The following PDE4D variants were observed in gnomAD, a reference collection of about 807,000 sequenced individuals.
PDE4D encodes the protein phosphodiesterase 4D.
PDE4D carries 24 observed loss-of-function variants against 87.4 expected under a neutral mutation model. The ratio of observed to expected loss-of-function variants is 0.27; its 90% CI spans 0.20 to 0.39. PDE4D has a LOEUF of 0.39. Among genes scored for constraint, PDE4D ranks in the 10% least tolerant of loss-of-function variants. The pLI, the probability that PDE4D is intolerant of heterozygous loss-of-function variation, is 1.00. For synonymous variants in PDE4D, 384 were observed against 383.2 expected (o/e 1.00, Z -0.02); for missense variants, 714 against 1,041.0 (o/e 0.69, Z 4.32).
At chr5:59,707,128 A>G (rs1395463455) in intron 1 of PDE4D, among the ~76,000 whole-genome samples, 3 of 152,204 alleles carry the variant, frequency 2.0e-5, no homozygotes, top group African/African-American at 7.2e-5. Flanking sequence ...TATTTTAAAA[A>G]CTGTACGTCT....
At chr5:59,262,995 G>A (rs1004550238) in intron 1 of PDE4D, among the ~76,000 whole-genome samples, 1 of 151,742 alleles carries the variant, frequency 6.6e-6, no homozygotes, top group Admixed American at 6.6e-5. Context: ...CAGTGGTGGT[G>A]GCAAACTAAG....
chr5:59,559,503 C>T (rs776486260), intron 1 of PDE4D, among the ~76,000 whole-genome samples: 1 of 152,150 alleles, frequency 6.6e-6, no homozygotes, highest in Non-Finnish European at 1.5e-5. Context: ...CTGTTAACTT[C>T]AAAGCCCCTA....
intron 5 of PDE4D, among the ~76,000 whole-genome samples, chr5:59,094,371 AAGG>A (rs1486085228): frequency 3.9e-5 from 6 of 152,046 alleles, no homozygotes; most frequent in African/African-American, 1.2e-4. Context: ...AAAGACAAAA[AAGG>A]AAGAAAACAA....
intron 1 of PDE4D, among the ~76,000 whole-genome samples, chr5:60,408,075 G>A (rs772763194): frequency 3.3e-5 from 5 of 152,154 alleles, no homozygotes; most frequent in South Asian, 2.1e-4. Flanking sequence ...TAAGCCACAC[G>A]GAGCCATCCT....
At chr5:60,519,868 G>A (rs1392971336) in intron 1 of PDE4D, among the ~76,000 whole-genome samples, 1 of 152,150 alleles carries the variant, frequency 6.6e-6, no homozygotes, top group African/African-American at 2.4e-5. Flanking sequence ...TTTGTTAAGA[G>A]CTTTCAAGCC....
chr5:59,311,012 A>G (rs145073943), intron 1 of PDE4D, among the ~76,000 whole-genome samples: 3 of 152,280 alleles, frequency 2.0e-5, no homozygotes, highest in African/African-American at 7.2e-5. Flanking sequence ...GAATGCTCCA[A>G]ACAAAGGTCA....
intron 1 of PDE4D, among the ~76,000 whole-genome samples, chr5:60,221,845 C>A (rs942875045): frequency 6.6e-6 from 1 of 152,076 alleles, no homozygotes; most frequent in African/African-American, 2.4e-5. Context: ...TATCCAGACT[C>A]CTGTGAACAT....
intron 2 of PDE4D, among the ~76,000 whole-genome samples, chr5:60,124,230 T>C (rs530198990): frequency 2.4e-4 from 36 of 152,256 alleles, no homozygotes; most frequent in Middle Eastern, 3.4e-3. Context: ...TTTCCCATGT[T>C]CTTTGTGATT....
chr5:59,157,635 T>A (rs1780449154), intron 5 of PDE4D, among the ~76,000 whole-genome samples: 1 of 152,228 alleles, frequency 6.6e-6, no homozygotes, highest in African/African-American at 2.4e-5. Context: ...GAAGAATGTA[T>A]ATTGGGTATC....
intron 1 of PDE4D, among the ~76,000 whole-genome samples, chr5:59,794,135 GCGCACACACA>G (rs1196675293): frequency 3.4e-5 from 3 of 89,374 alleles, no homozygotes; most frequent in South Asian, 9.6e-4. Flanking sequence ...ACACACAGAG[GCGCACACACA>G]CACACACACA....
At chr5:60,413,443 G>GA (rs1353706367) in intron 1 of PDE4D, among the ~76,000 whole-genome samples, 1 of 152,150 alleles carries the variant, frequency 6.6e-6, no homozygotes, top group African/African-American at 2.4e-5. Context: ...TTCATTTTCT[G>GA]AAGATGAGAG....
At chr5:59,896,803 T>C (rs1355011984), upstream of PDE4D, among the ~76,000 whole-genome samples, 1 of 152,216 alleles carries the variant, frequency 6.6e-6, no homozygotes, top group African/African-American at 2.4e-5. Flanking sequence ...TCTAGTTGCC[T>C]CTATGCTAAA....
intron 1 of PDE4D, among the ~76,000 whole-genome samples, chr5:59,806,259 A>G (rs542600448): frequency 3.2e-4 from 48 of 152,268 alleles, no homozygotes; most frequent in African/African-American, 1.1e-3. Flanking sequence ...TGAAAGGGGG[A>G]ACCAACTCAC....
chr5:59,976,378 A>G (rs900442524), intron 3 of PDE4D, among the ~76,000 whole-genome samples: 21 of 152,126 alleles, frequency 1.4e-4, no homozygotes, highest in Non-Finnish European at 2.8e-4. Flanking sequence ...ATGGGGTCAG[A>G]GCCCTCATAA....
Position 59,508,359 on chromosome 5 carries a change from C to T in PDE4D, c.456-292391G>A, listed in dbSNP as rs549154593. Among the ~76,000 whole-genome samples, 257 of 152,240 alleles carry T rather than the reference C, an allele frequency of 1.7e-3. 2 individuals carry two copies. The highest frequency in any genetic ancestry group is 3.3e-3 in the Non-Finnish European group (222 of 67,998). On this transcript the variant is annotated intron_variant, in intron 1 of 14. Transcript: ENST00000340635. ...ATTTCTAATCACAAGTGTATACTTGCGATATGTAATATGGCATTGGATATT... is the reference window on the plus strand; with the variant it reads ...ATTTCTAATCACAAGTGTATACTTGTGATATGTAATATGGCATTGGATATT...
At chr5:59,409,032 C>T (rs916870896) in intron 1 of PDE4D, among the ~76,000 whole-genome samples, 1 of 151,744 alleles carries the variant, frequency 6.6e-6, no homozygotes, top group Non-Finnish European at 1.5e-5. Context: ...CCTGTAATCC[C>T]AGCTACTCAG....
At chr5:60,021,778 G>T (rs1462705552) in intron 2 of PDE4D, 2 of 152,212 alleles carry the variant, frequency 1.3e-5, no homozygotes. Context: ...GAAAGCAGGA[G>T]CAGACCCTGT....
chr5:59,500,020 C>A (rs1808009195), intron 1 of PDE4D, among the ~76,000 whole-genome samples: 1 of 152,048 alleles, frequency 6.6e-6, no homozygotes, highest in South Asian at 2.1e-4. Flanking sequence ...AAGTCCTCCA[C>A]AAAATATTAG....
At chr5:59,037,611 T>C (rs1164573066) in intron 6 of PDE4D, among the ~76,000 whole-genome samples, 1 of 152,034 alleles carries the variant, frequency 6.6e-6, no homozygotes, top group Non-Finnish European at 1.5e-5. Context: ...GACAAAAAAA[T>C]TGATCATCAG....
Sources: allele counts gnomAD v4.1 joint callset (sites outside exome capture counted in the v4.1 genomes callset), GRCh38; gene constraint gnomAD v4.1.1; transcripts MANE v1.5; gene names NCBI Gene and HGNC (gene_info 2026-07-23, HGNC 2026-07-21).